Variants in MGAT1 observed in about 807,000 individuals in gnomAD.
The protein encoded by MGAT1 is N-glycosyl-oligosaccharide-glycoprotein N-acetylglucosaminyltransferase I.
MGAT1 carries 14 observed loss-of-function variants against 31.7 expected under a neutral mutation model. That is an observed-to-expected ratio of 0.44 (90% CI 0.29 to 0.69). MGAT1 has a LOEUF of 0.69. MGAT1 is among the 30% of genes least tolerant of loss of function. The pLI is 0.12. For missense variants in MGAT1, 557 were observed against 626.0 expected (o/e 0.89, Z 1.18); for synonymous variants, 338 against 276.0 (o/e 1.22, Z -2.23).
chr5:180,798,162 G>T (rs1769904786), intron 1 of MGAT1, among the ~76,000 whole-genome samples: 1 of 152,220 alleles, frequency 6.6e-6, no homozygotes, highest in South Asian at 2.1e-4. Context: ...TTGCTGTGAA[G>T]ATCGGATGAG....
chr5:180,794,362 C>A (rs1768874090), intron 1 of MGAT1, among the ~76,000 whole-genome samples: 1 of 150,130 alleles, frequency 6.7e-6, no homozygotes, highest in Admixed American at 6.6e-5. Flanking sequence ...CCATTGCACT[C>A]CAGCCTGGGC....
At chr5:180,814,282 T>C (rs1772732875) in intron 1 of MGAT1, among the ~76,000 whole-genome samples, 1 of 152,220 alleles carries the variant, frequency 6.6e-6, no homozygotes, top group Non-Finnish European at 1.5e-5. Context: ...GTATTTAAAA[T>C]TCTGGCCCAT....
intron 1 of MGAT1, among the ~76,000 whole-genome samples, chr5:180,798,690 TGGTA>T (rs1770035583): frequency 6.6e-6 from 1 of 152,236 alleles, no homozygotes; most frequent in African/African-American, 2.4e-5. Flanking sequence ...CAGCCTCATT[TGGTA>T]AAATCTGATC....
At chr5:180,796,710 C>T (rs978336391) in intron 1 of MGAT1, among the ~76,000 whole-genome samples, 5 of 152,270 alleles carry the variant, frequency 3.3e-5, no homozygotes, top group Non-Finnish European at 7.3e-5. Flanking sequence ...CTCCCAGGCT[C>T]AAGCGACTCT....
intron 1 of MGAT1, among the ~76,000 whole-genome samples, chr5:180,811,583 A>G (rs867576402): frequency 2.7e-5 from 4 of 150,018 alleles, no homozygotes; most frequent in East Asian, 1.9e-4. Flanking sequence ...CCTACCTTCA[A>G]TCTGTGTCTA....
At chr5:180,813,914 C>T (rs1401905649) in intron 1 of MGAT1, among the ~76,000 whole-genome samples, 3 of 152,106 alleles carry the variant, frequency 2.0e-5, no homozygotes, top group Non-Finnish European at 2.9e-5. Context: ...ACCTACAGTC[C>T]CCACCAAACT....
chr5:180,811,967 CT>C, intron 1 of MGAT1, among the ~76,000 whole-genome samples: 1 of 152,334 alleles, frequency 6.6e-6, no homozygotes, highest in South Asian at 2.1e-4. Flanking sequence ...TCAGTGAGGC[CT>C]TTCCTGACCA....
Position 180,793,056 on chromosome 5 carries a change from G to T in MGAT1, c.-85C>A. On this transcript the variant is annotated 5_prime_UTR_variant, in exon 2 of 2. Transcript: ENST00000307826. The stretch of plus-strand genomic sequence containing the variant: ...CGGCTCCCTTGCCCGCAGTCCTAGG[G>T]ATGCCTCCTCTGGACTATGGGATTA... 6.6e-7 allele frequency: 1 copy of T among 1,519,254 alleles called. No homozygotes were observed. Among genetic ancestry groups the T allele is most frequent in the Non-Finnish European group, 8.9e-7 (1 of 1,118,900 alleles). The allele number at this position is 1,519,254 out of a possible 1,614,324, so 94.1% of individuals were successfully genotyped here. A position where few individuals can be genotyped will look rare whatever the true frequency, so the allele number is the denominator to read the frequency against.
chr5:180,807,399 G>A (rs1772012658), upstream of MGAT1, among the ~76,000 whole-genome samples: 1 of 152,226 alleles, frequency 6.6e-6, no homozygotes, highest in Non-Finnish European at 1.5e-5. Context: ...TGGAATTGAA[G>A]GAGGGAGCAG....
intron 1 of MGAT1, chr5:180,809,522 T>C (rs1772307250): frequency 6.6e-6 from 1 of 152,128 alleles, no homozygotes; most frequent in Non-Finnish European, 1.5e-5. Context: ...CTTCAACTAG[T>C]TAATAAATCC....
upstream of MGAT1, among the ~76,000 whole-genome samples, chr5:180,805,875 G>T (rs1771791457): frequency 6.6e-6 from 1 of 152,080 alleles, no homozygotes; most frequent in African/African-American, 2.4e-5. Flanking sequence ...ATCTCATCCA[G>T]GTCAAAGAGG....
rs758354682 is a variant in MGAT1 at position 180,792,009 on chromosome 5, G to A, written c.963C>T (p.His321=). Residue 321 remains histidine (H), a synonymous_variant, in exon 2 of 2, where the codon CAC becomes CAT. Coordinates refer to ENST00000307826, the MANE Select transcript of MGAT1 (RefSeq NM_002406.4). The part of the protein sequence containing the change: ...TMTFGRKGVS[H]GQFFDQHLKF... ...TGAGGTGCTGGTCAAAGAACTGCCC[G>A]TGGCTCACACCCTTGCGGCCAAAGG... 8.1e-6 allele frequency: 13 copies of A among 1,614,156 alleles called. No individual in the cohort carries two copies. Among genetic ancestry groups the A allele is most frequent in the Non-Finnish European group, 9.3e-6 (11 of 1,180,048 alleles).
At chr5:180,811,092 CGTT>C (rs1011151043) in intron 1 of MGAT1, 1 of 152,202 alleles carries the variant, frequency 6.6e-6, no homozygotes, top group Non-Finnish European at 1.5e-5. Context: ...AGCCGCTACT[CGTT>C]TTTGAAGTTC....
chr5:180,797,552 C>A lies in MGAT1; in HGVS notation c.-126-4455G>T, dbSNP rs543170815. ...ACCCTTTAGATGCCTTTTTACTCTT[C>A]TCCAGACATCAGAATTTGGTGGCCC... On this transcript the variant is annotated intron_variant, in intron 1 of 1. Transcript: ENST00000307826. Among the ~76,000 whole-genome samples the A allele has an allele frequency of 9.2e-5, 14 of 152,010 alleles. No homozygotes were observed. The East Asian group carries it at 2.7e-3, about 30-fold the overall frequency.
chr5:180,796,706 G>A (rs1316471781), intron 1 of MGAT1, among the ~76,000 whole-genome samples: 1 of 152,074 alleles, frequency 6.6e-6, no homozygotes, highest in East Asian at 1.9e-4. Flanking sequence ...CTGCCTCCCA[G>A]GCTCAAGCGA....
chr5:180,791,553 C>T lies in MGAT1; in HGVS notation c.*81G>A. 6.6e-7 allele frequency: 1 copy of T among 1,509,022 alleles called. No individual in the cohort carries two copies. Among genetic ancestry groups the T allele is most frequent in the South Asian group, 1.3e-5 (1 of 77,792 alleles). The allele number at this position is 1,509,022 out of a possible 1,614,324, so 93.5% of individuals were successfully genotyped here. ...AATGCACCTAAGAGGGAAACACAGG[C>T]AGGCCGATGCAGCCTGGGGACTGTG... On this transcript the variant is annotated 3_prime_UTR_variant, in exon 2 of 2. Coordinates refer to ENST00000307826, the MANE Select transcript of MGAT1 (RefSeq NM_002406.4).
chr5:180,808,073 CAA>C (rs1160627653), intron 2 of MGAT1, among the ~76,000 whole-genome samples: 7 of 152,298 alleles, frequency 4.6e-5, no homozygotes, highest in African/African-American at 1.4e-4. Context: ...TACACTGACT[CAA>C]AAAGTCAAAG....
intron 1 of MGAT1, among the ~76,000 whole-genome samples, chr5:180,799,406 AG>A (rs1194798572): frequency 1.3e-5 from 2 of 152,120 alleles, no homozygotes; most frequent in African/African-American, 4.8e-5. Flanking sequence ...ACATCCTTTC[AG>A]GCCACTTCAG....
upstream of MGAT1, among the ~76,000 whole-genome samples, chr5:180,807,012 A>G (rs115431081): frequency 0.027 from 4,186 of 152,354 alleles, 70 homozygotes; most frequent in Non-Finnish European, 0.039. Flanking sequence ...AGGAGAAAGT[A>G]CAGCTCGGGA....
Sources: gnomAD v4.1 joint callset for allele counts (sites outside exome capture counted in the v4.1 genomes callset) on GRCh38, gnomAD v4.1.1 for gene constraint, MANE v1.5 for transcripts, NCBI Gene and HGNC (gene_info 2026-07-23, HGNC 2026-07-21) for gene names.